SNED1: variants seen among roughly 807,000 people sequenced by gnomAD.
SNED1 encodes the protein sushi, nidogen and EGF like domains 1.
Under a neutral mutation model 166.7 loss-of-function variants are expected in SNED1, and 81 were observed. That is an observed-to-expected ratio of 0.49 (90% confidence interval 0.41 to 0.58). The LOEUF (loss-of-function observed/expected upper bound fraction) is 0.58. SNED1 is among the 20% of genes least tolerant of loss of function. SNED1 has a pLI of 0.00. For synonymous variants in SNED1, 762 were observed against 822.0 expected, an observed-to-expected ratio of 0.93 and a Z score of 1.25; for missense variants, 1,604 against 2,000.2, an observed-to-expected ratio of 0.80 and a Z score of 3.78.
intron 17 of SNED1, 27 bp from the exon 18 acceptor site, chr2:241,063,560 C>T: frequency 1.3e-6 from 2 of 1,508,986 alleles, no homozygotes; most frequent in Non-Finnish European, 1.8e-6. Context: ...GAGCCAGCAA[C>T]ACCCTTGACA....
intron 26 of SNED1, chr2:241,072,116 G>A (rs10204115): frequency 0.047 from 32,769 of 697,486 alleles, 3,062 homozygotes; most frequent in African/African-American, 0.23. Flanking sequence ...GGCTGGAGGC[G>A]CAGGCTGCTG....
chr2:241,082,586 T>A (rs1283743806), intron 29 of SNED1, among the ~76,000 whole-genome samples: 1 of 152,200 alleles, frequency 6.6e-6, no homozygotes, highest in Non-Finnish European at 1.5e-5. Context: ...GAGCAGGGGC[T>A]GAGAAGAACG....
chr2:241,017,799 G>A (rs2060642247), intron 1 of SNED1, among the ~76,000 whole-genome samples: 1 of 152,214 alleles, frequency 6.6e-6, no homozygotes, highest in Non-Finnish European at 1.5e-5. Context: ...GAAGAATCCT[G>A]CAGAGCCCCG....
rs184361065 is a variant in SNED1 at position 241,065,022 on chromosome 2, A to G, written c.2713+65A>G. ...GGGTCCCCTCTCCCTAGAGGGCCCA[A>G]CGGTCTCCAAGGGCAGAGCGTCTGG... On this transcript the variant is annotated intron_variant, in intron 20 of 31. Transcript: ENST00000310397. The G allele has an allele frequency of 1.3e-5, 17 of 1,261,976 alleles. No individual in the cohort carries two copies. The East Asian group carries it at 3.5e-4, about 26-fold the overall frequency. The allele number at this position is 1,261,976 out of a possible 1,614,324, so 78.2% of individuals were successfully genotyped here. A position where few individuals can be genotyped will look rare whatever the true frequency, so the allele number is the denominator to read the frequency against.
At chr2:241,071,338 CG>C in intron 24 of SNED1, 1 of 592,230 alleles carries the variant, frequency 1.7e-6, no homozygotes, top group Non-Finnish European at 3.0e-6. Flanking sequence ...GGCCAGTGCA[CG>C]CCTGTGTCAT....
Position 241,084,134 on chromosome 2 carries a change from A to ATTT in SNED1, c.4121+1787_4121+1789dup, listed in dbSNP as rs368364855. Among the ~76,000 whole-genome samples, 160 of 123,278 alleles carry ATTT rather than the reference A, an allele frequency of 1.3e-3. 2 individuals carry two copies. In the Middle Eastern group the frequency reaches 0.018, roughly 14 times the overall value. 80.9% of individuals were successfully genotyped at this position (123,278 alleles called of 152,430 possible). On this transcript the variant is annotated intron_variant, in intron 29 of 31. Transcript: ENST00000310397. ...GTTCAATATGATGGCAGCGTCTAGG[A>ATTT]TTTTTTTTTTTTTTTTTTTGAGACA...
intron 1 of SNED1, among the ~76,000 whole-genome samples, chr2:241,011,381 G>T (rs1290033492): frequency 1.3e-5 from 2 of 151,842 alleles, no homozygotes; most frequent in African/African-American, 4.8e-5. Context: ...CTGCCAGGCT[G>T]GCCTCAGGCC....
chr2:241,033,552 G>T, intron 2 of SNED1, 183 bp from the exon 3 acceptor site: 1 of 628,402 alleles, frequency 1.6e-6, no homozygotes, highest in Non-Finnish European at 2.7e-6. Flanking sequence ...GCAGGCGCTG[G>T]GAGACAGCAG....
chr2:241,044,127 G>C (rs1328411025), intron 8 of SNED1, among the ~76,000 whole-genome samples: 1 of 152,146 alleles, frequency 6.6e-6, no homozygotes, highest in African/African-American at 2.4e-5. Context: ...AATCCAGAAG[G>C]CAGGAAGAGA....
rs970986791 is a variant in SNED1 at position 241,010,659 on chromosome 2, T to G, written c.213+11609T>G. The G allele has an allele frequency of 9.2e-5, 14 of 152,370 alleles. 1 individual carries two copies. Among genetic ancestry groups the G allele is most frequent in the African/African-American group, 3.4e-4 (14 of 41,412 alleles). The allele number at this position is 152,370 out of a possible 1,614,324, so 9.4% of individuals were successfully genotyped here. On this transcript the variant is annotated intron_variant, in intron 1 of 31. Coordinates refer to ENST00000310397, the MANE Select transcript of SNED1 (RefSeq NM_001080437.3). ...AGGCTGGCTGGCCTTGACCACAGCC[T>G]GAGAGAGGAGGGTGAGGGCGGGGCG...
intron 29 of SNED1, among the ~76,000 whole-genome samples, chr2:241,082,603 C>G (rs779930703): frequency 6.6e-6 from 1 of 152,212 alleles, no homozygotes; most frequent in Non-Finnish European, 1.5e-5. Context: ...AACGCAGGCT[C>G]CTGGTCCCCA....
chr2:241,009,344 G>A (rs73010023), intron 1 of SNED1, among the ~76,000 whole-genome samples: 23,154 of 152,206 alleles, frequency 0.15, 2,102 homozygotes, highest in Non-Finnish European at 0.21. Flanking sequence ...TGGGGCCACT[G>A]CCTCCAGGCC....
At chr2:241,081,832 C>T (rs763322016) in intron 28 of SNED1, 39 bp downstream of exon 28, 1 of 1,433,918 alleles carries the variant, frequency 7.0e-7, no homozygotes, top group Admixed American at 2.0e-5. Flanking sequence ...CCTTCCAACA[C>T]AGCCTGTGCC....
rs1007938701 is a variant in SNED1, at chr2:241,040,376, G to A, written c.1236G>A (p.Leu412=). 2 of 1,607,002 alleles carry A rather than the reference G, an allele frequency of 1.2e-6. No individual in the cohort carries two copies. The highest frequency in any genetic ancestry group is 1.7e-5 in the Admixed American group (1 of 59,086). The change falls in exon 8 of 32, where the codon TTG becomes TTA. Residue 412 remains leucine, a synonymous_variant. Coordinates refer to ENST00000310397, the MANE Select transcript of SNED1 (RefSeq NM_001080437.3). ...ACCTAGTGGGGAATTACACCTGCTT[G>A]TGTGCCGAGCCCTTCAAGGGACTTC... ...CVDLVGNYTC[L]CAEPFKGLRC...
chr2:241,016,558 G>A (rs748866884), intron 1 of SNED1, among the ~76,000 whole-genome samples: 69 of 152,094 alleles, frequency 4.5e-4, no homozygotes, highest in Non-Finnish European at 6.0e-4. Context: ...TTCATTTAAG[G>A]TTTTAGCAAC....
At chr2:241,056,056 GAC>G (rs1491415759) in intron 16 of SNED1, among the ~76,000 whole-genome samples, 1 of 148,138 alleles carries the variant, frequency 6.8e-6, no homozygotes, top group Non-Finnish European at 1.5e-5. Context: ...AAGAAATGAT[GAC>G]ACATAATCTA....
chr2:241,053,793 G>A (rs2061954981), intron 16 of SNED1, among the ~76,000 whole-genome samples: 1 of 152,204 alleles, frequency 6.6e-6, no homozygotes, highest in Non-Finnish European at 1.5e-5. Flanking sequence ...ACCCCTGTCT[G>A]GCTTGGGAGC....
intron 1 of SNED1, among the ~76,000 whole-genome samples, chr2:241,021,506 G>A (rs2060773481): frequency 6.6e-6 from 1 of 152,130 alleles, no homozygotes; most frequent in East Asian, 1.9e-4. Context: ...CCCTGGATTT[G>A]TCTGTTCTGG....
chr2:241,014,080 T>C (rs4676008), intron 1 of SNED1, among the ~76,000 whole-genome samples: 50,794 of 151,556 alleles, frequency 0.34, 10,083 homozygotes, highest in African/African-American at 0.54. Flanking sequence ...GCGATCTCAG[T>C]TCACTGCAAC....
Sources: allele counts gnomAD v4.1 joint callset (sites outside exome capture counted in the v4.1 genomes callset), GRCh38; gene constraint gnomAD v4.1.1; transcripts MANE v1.5; gene names NCBI Gene and HGNC (gene_info 2026-07-23, HGNC 2026-07-21).